The following CCDC102B variants were observed in gnomAD, a reference collection of about 807,000 sequenced individuals.
CCDC102B encodes the protein coiled-coil domain-containing protein 102B.
In CCDC102B, 75 loss-of-function variants were observed where a neutral mutation model predicts 57.4. That is an observed-to-expected ratio of 1.31 (90% confidence interval 1.08 to 1.58). The LOEUF (loss-of-function observed/expected upper bound fraction) is 1.58, where lower values mean the gene tolerates loss of function less well. Ranked by LOEUF, CCDC102B falls within the 40% of genes most tolerant of loss-of-function variation. CCDC102B has a pLI of 0.00. For synonymous variants in CCDC102B, 206 were observed against 201.9 expected, an observed-to-expected ratio of 1.02 and a Z score of -0.17; for missense variants, 636 against 582.6, an observed-to-expected ratio of 1.09 and a Z score of -0.94.
intron 1 of CCDC102B, among the ~76,000 whole-genome samples, chr18:68,821,723 ATATG>A (rs1568269167): frequency 2.0e-5 from 3 of 151,972 alleles, no homozygotes; most frequent in Non-Finnish European, 4.4e-5. Context: ...ATATACACAT[ATATG>A]TATTTTTTCT....
intron 7 of CCDC102B, among the ~76,000 whole-genome samples, chr18:69,016,244 T>C (rs1327030563): frequency 6.6e-6 from 1 of 152,082 alleles, no homozygotes; most frequent in Non-Finnish European, 1.5e-5. Context: ...ACCACTTTAA[T>C]AAATATGATG....
intron 6 of CCDC102B, among the ~76,000 whole-genome samples, chr18:68,970,969 C>T (rs2050287161): frequency 6.6e-6 from 1 of 151,686 alleles, no homozygotes. Context: ...TATATATATG[C>T]ATATACATGT....
At chr18:68,988,585 A>G (rs1599801208) in intron 6 of CCDC102B, among the ~76,000 whole-genome samples, 1 of 152,178 alleles carries the variant, frequency 6.6e-6, no homozygotes, top group Non-Finnish European at 1.5e-5. Context: ...AGGAAAAAAA[A>G]GAATTACTCT....
At chr18:68,982,941 G>A (rs1319821932) in intron 6 of CCDC102B, among the ~76,000 whole-genome samples, 2 of 151,748 alleles carry the variant, frequency 1.3e-5, no homozygotes, top group Admixed American at 6.6e-5. Flanking sequence ...ACTATTCTGT[G>A]AAGAGAAAAT....
chr18:68,902,601 G>A (rs974783330), intron 6 of CCDC102B, among the ~76,000 whole-genome samples: 6 of 152,200 alleles, frequency 3.9e-5, no homozygotes, highest in Admixed American at 1.3e-4. Context: ...TACTAGTGCA[G>A]CATCCACCTG....
chr18:68,982,917 C>A (rs2050628932), intron 6 of CCDC102B, among the ~76,000 whole-genome samples: 1 of 151,718 alleles, frequency 6.6e-6, no homozygotes, highest in African/African-American at 2.4e-5. Flanking sequence ...ATTTTTCTTA[C>A]AAAATTGTAC....
At chr18:68,893,733 A>C (rs1016362763) in intron 5 of CCDC102B, among the ~76,000 whole-genome samples, 2 of 152,164 alleles carry the variant, frequency 1.3e-5, no homozygotes, top group Admixed American at 1.3e-4. Context: ...TGGCAGTTGA[A>C]GAATGAGTAA....
intron 3 of CCDC102B, among the ~76,000 whole-genome samples, chr18:68,845,980 A>T (rs1334570571): frequency 6.6e-6 from 1 of 151,738 alleles, no homozygotes; most frequent in African/African-American, 2.4e-5. Flanking sequence ...AAAATTAGAA[A>T]CATATATATC....
At chr18:68,762,436 C>A (rs941297309) in intron 2 of CCDC102B, among the ~76,000 whole-genome samples, 2 of 151,932 alleles carry the variant, frequency 1.3e-5, no homozygotes, top group East Asian at 3.9e-4. Context: ...TATCTCCACA[C>A]TGAATACATT....
chr18:68,810,015 T>A (rs191783246), intron 1 of CCDC102B, among the ~76,000 whole-genome samples: 79 of 152,342 alleles, frequency 5.2e-4, no homozygotes, highest in Non-Finnish European at 9.0e-4. Context: ...TAGTATACTT[T>A]AAAAATCTTA....
intron 6 of CCDC102B, among the ~76,000 whole-genome samples, chr18:68,907,075 A>G (rs752627254): frequency 2.7e-4 from 41 of 152,160 alleles, no homozygotes; most frequent in Middle Eastern, 3.4e-3. Flanking sequence ...TTTTTCTGCC[A>G]CTGGATTGTC....
intron 2 of CCDC102B, among the ~76,000 whole-genome samples, chr18:68,740,902 A>G (rs1420542531): frequency 6.6e-6 from 1 of 152,206 alleles, no homozygotes; most frequent in East Asian, 1.9e-4. Context: ...CTTATCTATC[A>G]GTTTGCTCAG....
At chr18:69,030,695 C>T (rs2052115923) in intron 7 of CCDC102B, among the ~76,000 whole-genome samples, 1 of 152,180 alleles carries the variant, frequency 6.6e-6, no homozygotes, top group Non-Finnish European at 1.5e-5. Flanking sequence ...CACTCTGTCA[C>T]CCAGGCTGGA....
intron 6 of CCDC102B, among the ~76,000 whole-genome samples, chr18:68,956,097 A>T (rs2049838610): frequency 6.6e-6 from 1 of 151,416 alleles, no homozygotes; most frequent in Non-Finnish European, 1.5e-5. Context: ...TGTTTCGCTT[A>T]ACAAAATGAC....
chr18:68,908,768 A>G (rs7244547), intron 6 of CCDC102B, among the ~76,000 whole-genome samples: 85,062 of 151,962 alleles, frequency 0.56, 24,412 homozygotes, highest in East Asian at 0.9. Flanking sequence ...AGAATACTGT[A>G]GTAAGTGATA....
At chr18:68,762,498 G>A (rs1370549522) in intron 2 of CCDC102B, among the ~76,000 whole-genome samples, 2 of 151,874 alleles carry the variant, frequency 1.3e-5, no homozygotes, top group Non-Finnish European at 2.9e-5. Flanking sequence ...CGACTGTCAT[G>A]GTATTCCAGA....
At chr18:68,857,678 T>C (rs1436182265) in intron 4 of CCDC102B, among the ~76,000 whole-genome samples, 1 of 151,862 alleles carries the variant, frequency 6.6e-6, no homozygotes, top group African/African-American at 2.4e-5. Flanking sequence ...CTATAGTGTT[T>C]TGTAATTTTC....
At chr18:68,852,902 T>G (rs1317252455) in intron 4 of CCDC102B, among the ~76,000 whole-genome samples, 3 of 152,196 alleles carry the variant, frequency 2.0e-5, no homozygotes, top group Non-Finnish European at 4.4e-5. Context: ...AGTTTGAGTT[T>G]CAGGGCCCCT....
At chr18:69,010,878 T>C (rs900150568) in intron 6 of CCDC102B, 56 bp from the exon 7 acceptor site, 2 of 1,295,280 alleles carry the variant, frequency 1.5e-6, no homozygotes, top group East Asian at 5.0e-5. Context: ...GTTGCCATTC[T>C]TCTGATTTTA....
Sources: gnomAD v4.1 joint callset for allele counts (sites outside exome capture counted in the v4.1 genomes callset) on GRCh38, gnomAD v4.1.1 for gene constraint, MANE v1.5 for transcripts, NCBI Gene and HGNC (gene_info 2026-07-23, HGNC 2026-07-21) for gene names.